The following DPP10 variants were observed in gnomAD, a reference collection of about 807,000 sequenced individuals.
The protein encoded by DPP10 is inactive dipeptidyl peptidase 10.
In DPP10, 33 loss-of-function variants were observed where a neutral mutation model predicts 120.9. The observed-to-expected ratio is 0.27, with a 90% CI of 0.21 to 0.37. The LOEUF is 0.37. Ranked by LOEUF, DPP10 falls within the 10% of genes least tolerant of loss-of-function variation. The pLI is 1.00. For synonymous variants in DPP10, 337 were observed against 326.1 expected (o/e 1.03, Z -0.36); for missense variants, 816 against 942.8 (o/e 0.87, Z 1.76).
At chr2:114,660,052 C>A (rs534254426) in intron 1 of DPP10, among the ~76,000 whole-genome samples, 1 of 152,238 alleles carries the variant, frequency 6.6e-6, no homozygotes, top group African/African-American at 2.4e-5. Flanking sequence ...GGTTTTAAGC[C>A]ACCTTGTCTG....
chr2:115,197,833 T>G (rs1164939386), intron 1 of DPP10, among the ~76,000 whole-genome samples: 2 of 152,214 alleles, frequency 1.3e-5, no homozygotes, highest in Non-Finnish European at 2.9e-5. Context: ...TTGGTATGAT[T>G]CAGAATTTAA....
chr2:115,032,052 A>T (rs1703878246), intron 1 of DPP10, among the ~76,000 whole-genome samples: 1 of 152,228 alleles, frequency 6.6e-6, no homozygotes, highest in South Asian at 2.1e-4. Flanking sequence ...TGAGAAAAAA[A>T]TTAAACTTTG....
intron 1 of DPP10, among the ~76,000 whole-genome samples, chr2:114,732,101 T>C (rs1445553365): frequency 6.6e-6 from 1 of 152,186 alleles, no homozygotes; most frequent in East Asian, 1.9e-4. Flanking sequence ...GGTGTGACAG[T>C]TAATGCTATA....
intron 1 of DPP10, among the ~76,000 whole-genome samples, chr2:114,476,261 A>G (rs1302945345): frequency 6.6e-6 from 1 of 152,208 alleles, no homozygotes; most frequent in African/African-American, 2.4e-5. Context: ...TAAAGAAAGC[A>G]TACTGTAATC....
intron 1 of DPP10, chr2:115,162,220 G>A (rs1488457072): frequency 3.2e-6 from 5 of 1,558,596 alleles, no homozygotes; most frequent in East Asian, 4.7e-5. Flanking sequence ...TGCGCTCCGG[G>A]GCCCGGCGAG....
Position 115,374,053 on chromosome 2 carries a change from A to T in DPP10, c.271+30141A>T, listed in dbSNP as rs533411512. Reference sequence around the variant, plus strand: ...TGCAACACATGGAGATTACAATTCAACATGAAATTTGGGTGGGGACACAGA... The same window carrying T: ...TGCAACACATGGAGATTACAATTCATCATGAAATTTGGGTGGGGACACAGA... On this transcript the variant is annotated intron_variant, in intron 3 of 25. Transcript: ENST00000410059. 9.9e-5 allele frequency among the ~76,000 whole-genome samples: 15 copies of T among 152,180 alleles called. No homozygotes were observed. In the South Asian group the frequency reaches 3.1e-3, roughly 32 times the overall value.
intron 1 of DPP10, among the ~76,000 whole-genome samples, chr2:114,749,426 A>G (rs6751358): frequency 0.54 from 82,086 of 151,784 alleles, 22,753 homozygotes; most frequent in African/African-American, 0.64. Flanking sequence ...TTTCACCAGC[A>G]CCTTTCTTGC....
At chr2:114,755,809 A>C (rs973115843) in intron 1 of DPP10, among the ~76,000 whole-genome samples, 1 of 152,206 alleles carries the variant, frequency 6.6e-6, no homozygotes, top group Admixed American at 6.5e-5. Flanking sequence ...ACACACATGC[A>C]TTCATGATAA....
intron 1 of DPP10, among the ~76,000 whole-genome samples, chr2:114,862,763 C>A (rs1689916374): frequency 6.6e-6 from 1 of 151,950 alleles, no homozygotes; most frequent in South Asian, 2.1e-4. Context: ...GTAGTAGAAG[C>A]AGTGATATAT....
At chr2:115,636,881 G>T (rs758651092) in intron 5 of DPP10, among the ~76,000 whole-genome samples, 2 of 152,130 alleles carry the variant, frequency 1.3e-5, no homozygotes, top group Non-Finnish European at 2.9e-5. Context: ...CTAAGAGGAA[G>T]TGGAATCTTA....
intron 1 of DPP10, among the ~76,000 whole-genome samples, chr2:115,148,601 C>G (rs2051360217): frequency 6.6e-6 from 1 of 152,160 alleles, no homozygotes; most frequent in Non-Finnish European, 1.5e-5. Flanking sequence ...AGGAATTGCT[C>G]TAAGTGTAGT....
At chr2:114,959,702 C>A (rs781612730) in intron 1 of DPP10, among the ~76,000 whole-genome samples, 1 of 152,188 alleles carries the variant, frequency 6.6e-6, no homozygotes, top group African/African-American at 2.4e-5. Context: ...ATGAGCATTC[C>A]ATGTTCTCCA....
chr2:115,355,683 T>A (rs1172399529), intron 3 of DPP10, among the ~76,000 whole-genome samples: 1 of 152,224 alleles, frequency 6.6e-6, no homozygotes, highest in Non-Finnish European at 1.5e-5. Flanking sequence ...GTTTTTAGTA[T>A]GTTGGGTTTT....
chr2:115,067,886 A>T (rs1179337052), intron 1 of DPP10, among the ~76,000 whole-genome samples: 1 of 149,490 alleles, frequency 6.7e-6, no homozygotes, highest in Non-Finnish European at 1.5e-5. Flanking sequence ...AAAAAGAAAA[A>T]AAAGAAAAAT....
chr2:114,839,640 C>G (rs1688002762), intron 1 of DPP10, among the ~76,000 whole-genome samples: 1 of 152,168 alleles, frequency 6.6e-6, no homozygotes. Context: ...TAAAACTGCT[C>G]TATTCAGCTG....
chr2:114,475,402 G>A (rs1489355282), intron 1 of DPP10, among the ~76,000 whole-genome samples: 2 of 152,142 alleles, frequency 1.3e-5, no homozygotes, highest in Admixed American at 6.5e-5. Flanking sequence ...ATATTCAAAA[G>A]TATCAAGCTT....
intron 1 of DPP10, among the ~76,000 whole-genome samples, chr2:115,037,534 A>T (rs546798847): frequency 2.6e-5 from 4 of 152,308 alleles, no homozygotes; most frequent in African/African-American, 9.6e-5. Context: ...AGAAGCTTGT[A>T]TTTCTTATGC....
chr2:115,777,974 C>G (rs944930647), intron 15 of DPP10, 140 bp downstream of exon 15: 1 of 716,836 alleles, frequency 1.4e-6, no homozygotes, highest in Non-Finnish European at 2.3e-6. Flanking sequence ...AAGCTTCACA[C>G]TCTTGCACCA....
intron 5 of DPP10, among the ~76,000 whole-genome samples, chr2:115,564,641 A>G (rs2080889769): frequency 6.6e-6 from 1 of 152,202 alleles, no homozygotes; most frequent in African/African-American, 2.4e-5. Context: ...AGTCATAACA[A>G]TTCTCTGAAC....
Sources: allele counts gnomAD v4.1 joint callset (sites outside exome capture counted in the v4.1 genomes callset), GRCh38; gene constraint gnomAD v4.1.1; transcripts MANE v1.5; gene names NCBI Gene and HGNC (gene_info 2026-07-23, HGNC 2026-07-21).